The following NAALAD2 variants were observed in gnomAD, a reference collection of about 807,000 sequenced individuals.
NAALAD2 encodes N-acetylated alpha-linked acidic dipeptidase 2.
A neutral mutation model predicts 95.6 loss-of-function variants in NAALAD2; 89 were observed. That is an observed-to-expected ratio of 0.93 (90% CI 0.78 to 1.11). The LOEUF is 1.11. Ranked by LOEUF, NAALAD2 falls within the 50% of genes least tolerant of loss-of-function variation. The pLI, the probability that NAALAD2 is intolerant of heterozygous loss-of-function variation, is 0.00. For missense variants in NAALAD2, 894 were observed against 872.4 expected (o/e 1.02, Z -0.31); for synonymous variants, 264 against 294.4 (o/e 0.90, Z 1.06).
At position 90,155,499 on chromosome 11, in the gene NAALAD2, A is replaced by T. The variant is rs1227612330; in HGVS notation, c.797-2646A>T. ...ATGTATATATTATATATAATATATT[A>T]TATATAATTATATATAATTACATAT... On this transcript the variant is annotated intron_variant, in intron 6 of 18. Coordinates refer to ENST00000534061, the MANE Select transcript of NAALAD2 (RefSeq NM_005467.4). Among the ~76,000 whole-genome samples, 3 of 114,662 alleles carry T rather than the reference A, an allele frequency of 2.6e-5. No homozygotes were observed. The South Asian group carries it at 7.2e-4, about 27-fold the overall frequency. The allele number at this position is 114,662 out of a possible 152,430, so 75.2% of individuals were successfully genotyped here. A position where few individuals can be genotyped will look rare whatever the true frequency, so the allele number is the denominator to read the frequency against.
intron 14 of NAALAD2, among the ~76,000 whole-genome samples, chr11:90,174,321 A>T (rs1429287095): frequency 6.6e-6 from 1 of 151,822 alleles, no homozygotes; most frequent in Non-Finnish European, 1.5e-5. Context: ...ACAAGAGTGA[A>T]ACTCCATCTC....
intron 13 of NAALAD2, among the ~76,000 whole-genome samples, chr11:90,171,458 G>A (rs1952632749): frequency 6.6e-6 from 1 of 152,130 alleles, no homozygotes; most frequent in Non-Finnish European, 1.5e-5. Context: ...CTAAAAGTAA[G>A]CTGAAAAGAA....
At chr11:90,179,839 T>C (rs2134977270) in intron 16 of NAALAD2, among the ~76,000 whole-genome samples, 2 of 152,230 alleles carry the variant, frequency 1.3e-5, no homozygotes, top group African/African-American at 4.8e-5. Context: ...CTTACCTTCT[T>C]AGAGGCCTGG....
At chr11:90,136,768 T>C (rs1951462659) in intron 2 of NAALAD2, among the ~76,000 whole-genome samples, 1 of 152,222 alleles carries the variant, frequency 6.6e-6, no homozygotes, top group South Asian at 2.1e-4. Flanking sequence ...GGATATGTGG[T>C]TTATTTCTCT....
intron 2 of NAALAD2, among the ~76,000 whole-genome samples, chr11:90,137,438 C>T (rs954365076): frequency 6.6e-6 from 1 of 152,138 alleles, no homozygotes; most frequent in Non-Finnish European, 1.5e-5. Flanking sequence ...TTGATCATTA[C>T]TTATTGTATG....
At chr11:90,177,582 T>G (rs1439336809) in intron 15 of NAALAD2, among the ~76,000 whole-genome samples, 1 of 128,236 alleles carries the variant, frequency 7.8e-6, no homozygotes, top group Non-Finnish European at 1.6e-5. Flanking sequence ...TTTTTCTTTT[T>G]CTTGTTTTTT....
rs1403616186 is a variant in NAALAD2, at chr11:90,183,154, TATA to T, written c.2033+150_2033+152del. 3.3e-5 allele frequency: 15 copies of T among 459,624 alleles called. No homozygotes were observed. In the East Asian group the frequency reaches 4.9e-4, roughly 15 times the overall value. The allele number at this position is 459,624 out of a possible 1,614,324, so 28.5% of individuals were successfully genotyped here. A position where few individuals can be genotyped will look rare whatever the true frequency, so the allele number is the denominator to read the frequency against. On this transcript the variant is annotated intron_variant, in intron 18 of 18. Coordinates refer to ENST00000534061, the MANE Select transcript of NAALAD2 (RefSeq NM_005467.4). ...GTAAGATTGTACATTTAATAATAGG[TATA>T]ATACATATTAGAAAAATAAATTTCA...
chr11:90,166,843 A>AG (rs1952467384), intron 11 of NAALAD2, among the ~76,000 whole-genome samples: 1 of 129,984 alleles, frequency 7.7e-6, no homozygotes, highest in African/African-American at 3.1e-5. Flanking sequence ...TCCAAAAAAA[A>AG]AAAAAAAAAG....
At chr11:90,172,293 C>G (rs1952665146) in intron 13 of NAALAD2, among the ~76,000 whole-genome samples, 1 of 152,036 alleles carries the variant, frequency 6.6e-6, no homozygotes. Context: ...AGCTGTGGAC[C>G]CTCTATGCAG....
intron 3 of NAALAD2, among the ~76,000 whole-genome samples, 199 bp from the exon 4 acceptor site, chr11:90,148,807 A>G (rs1951815576): frequency 6.6e-6 from 1 of 152,212 alleles, no homozygotes; most frequent in Admixed American, 6.5e-5. Flanking sequence ...CTGGGATTGC[A>G]TGCATTTATA....
chr11:90,156,788 T>A (rs2134895018), intron 6 of NAALAD2, among the ~76,000 whole-genome samples: 1 of 152,170 alleles, frequency 6.6e-6, no homozygotes, highest in East Asian at 1.9e-4. Context: ...TGGGTCTTGT[T>A]GTGTTGCCTA....
intron 14 of NAALAD2, among the ~76,000 whole-genome samples, chr11:90,175,049 C>G (rs758028240): frequency 2.0e-4 from 31 of 152,228 alleles, no homozygotes; most frequent in African/African-American, 7.5e-4. Flanking sequence ...CCCAAGATAT[C>G]TCACTGCATA....
At chr11:90,168,075 C>T (rs190333668) in intron 11 of NAALAD2, among the ~76,000 whole-genome samples, 2 of 152,296 alleles carry the variant, frequency 1.3e-5, no homozygotes, top group East Asian at 3.9e-4. Context: ...GTAACACTCA[C>T]CTTGAAGGTC....
chr11:90,149,772 T>C (rs1238076445), intron 4 of NAALAD2, among the ~76,000 whole-genome samples: 7 of 152,278 alleles, frequency 4.6e-5, no homozygotes, highest in Non-Finnish European at 8.8e-5. Context: ...CTTTCCATTT[T>C]TCATAATTTG....
chr11:90,186,368 T>G (rs932188980), intron 18 of NAALAD2, among the ~76,000 whole-genome samples: 34 of 152,216 alleles, frequency 2.2e-4, no homozygotes, highest in Non-Finnish European at 4.3e-4. Flanking sequence ...TCATCATTTT[T>G]TATGGCTGCA....
intron 18 of NAALAD2, among the ~76,000 whole-genome samples, chr11:90,186,533 T>G (rs1452574626): frequency 5.3e-5 from 8 of 151,564 alleles, no homozygotes; most frequent in Non-Finnish European, 1.0e-4. Context: ...GTCCTTTGGG[T>G]ATATACCCAG....
intron 15 of NAALAD2, among the ~76,000 whole-genome samples, chr11:90,176,472 G>C (rs773338782): frequency 1.3e-5 from 2 of 151,962 alleles, no homozygotes; most frequent in African/African-American, 4.8e-5. Context: ...CATTATTGTC[G>C]GTAGCTCCTC....
chr11:90,144,911 G>A lies in NAALAD2; in HGVS notation c.195-2419G>A, dbSNP rs149667111. Among the ~76,000 whole-genome samples, 267 of 152,092 alleles carry A rather than the reference G, an allele frequency of 1.8e-3. 8 individuals are homozygous for A. In the East Asian group the frequency reaches 0.048, roughly 28 times the overall value. ...AGAGTGGGTTAAAGGGCTTAAATGT[G>A]GGAACAATTGTATTTCTCCCAGCCA... On this transcript the variant is annotated intron_variant, in intron 2 of 18. Coordinates refer to ENST00000534061, the MANE Select transcript of NAALAD2 (RefSeq NM_005467.4).
upstream of NAALAD2, chr11:90,134,540 A>G: frequency 1.8e-6 from 1 of 545,414 alleles, no homozygotes; most frequent in Non-Finnish European, 3.3e-6. Context: ...GTTGCCCGCC[A>G]ACAGGAAGAA....
Sources: allele counts gnomAD v4.1 joint callset (sites outside exome capture counted in the v4.1 genomes callset), GRCh38; gene constraint gnomAD v4.1.1; transcripts MANE v1.5; gene names NCBI Gene and HGNC (gene_info 2026-07-23, HGNC 2026-07-21).